GRAP2: variants seen among roughly 807,000 people sequenced by gnomAD.
GRAP2 encodes GRB2 related adaptor protein 2.
GRAP2 carries 31 observed loss-of-function variants against 43.5 expected under a neutral mutation model. The observed-to-expected ratio is 0.71, with a 90% CI of 0.54 to 0.96. The LOEUF is 0.96. Among genes scored for constraint, GRAP2 ranks in the 40% least tolerant of loss-of-function variants. The pLI is 0.00. For missense variants in GRAP2, 371 were observed against 424.4 expected (o/e 0.87, Z 1.11); for synonymous variants, 156 against 164.8 (o/e 0.95, Z 0.41).
chr22:39,906,808 G>A (rs1055292189), intron 1 of GRAP2, among the ~76,000 whole-genome samples: 1 of 152,152 alleles, frequency 6.6e-6, no homozygotes, highest in Non-Finnish European at 1.5e-5. Context: ...ACAAACTGCT[G>A]AGAACTCAGT....
chr22:39,935,791 C>A (rs1182195874), intron 1 of GRAP2, among the ~76,000 whole-genome samples: 1 of 152,124 alleles, frequency 6.6e-6, no homozygotes, highest in Admixed American at 6.5e-5. Flanking sequence ...TAATTGTGGT[C>A]ATGCCGTCCT....
intron 1 of GRAP2, among the ~76,000 whole-genome samples, chr22:39,921,096 C>T (rs777399235): frequency 6.6e-6 from 1 of 152,142 alleles, no homozygotes; most frequent in Non-Finnish European, 1.5e-5. Context: ...TTGAACTTCT[C>T]GAGCTTTCTT....
At chr22:39,926,505 AAG>A (rs1242304194) in intron 1 of GRAP2, 2 of 646,766 alleles carry the variant, frequency 3.1e-6, no homozygotes, top group African/African-American at 4.0e-5. Flanking sequence ...AAAAAAGGAA[AAG>A]AGCAAAAAAG....
intron 4 of GRAP2, among the ~76,000 whole-genome samples, chr22:39,962,407 A>G (rs1316659658): frequency 6.6e-6 from 1 of 152,190 alleles, no homozygotes; most frequent in East Asian, 1.9e-4. Flanking sequence ...CCTGGGTGAC[A>G]GAGCAAGACC....
upstream of GRAP2, among the ~76,000 whole-genome samples, chr22:39,900,473 G>A (rs994309055): frequency 1.3e-5 from 2 of 152,200 alleles, no homozygotes; most frequent in African/African-American, 2.4e-5. Context: ...GTTGATATAG[G>A]GGGAAGGGTG....
intron 1 of GRAP2, among the ~76,000 whole-genome samples, chr22:39,941,073 A>G (rs1426702691): frequency 6.6e-6 from 1 of 152,212 alleles, no homozygotes; most frequent in Non-Finnish European, 1.5e-5. Flanking sequence ...TGGGAAGTTA[A>G]TTGATCCTTT....
chr22:39,970,706 A>G (rs972212225), intron 7 of GRAP2, among the ~76,000 whole-genome samples, 199 bp from the exon 8 acceptor site: 4 of 152,168 alleles, frequency 2.6e-5, no homozygotes, highest in Non-Finnish European at 5.9e-5. Flanking sequence ...GGACTTCTTG[A>G]GGCCAAGGGT....
rs376190713 is a variant in GRAP2, at chr22:39,968,066, C to A, written c.484C>A (p.Arg162=). The A allele has an allele frequency of 6.2e-7, 1 of 1,612,626 alleles. No individual in the cohort carries two copies. Among genetic ancestry groups the A allele is most frequent in the African/African-American group, 1.3e-5 (1 of 74,862 alleles). The part of the protein sequence containing the change: ...DQGHRGNSLD[R]RSQGGPHLSG... Reference sequence around the variant, plus strand: ...GGGTCACCGGGGCAACAGCCTGGACCGGAGGTCCCAGGGAGGCCCACACCT... The same window carrying A: ...GGGTCACCGGGGCAACAGCCTGGACAGGAGGTCCCAGGGAGGCCCACACCT... The change falls in exon 6 of 8, where the codon CGG becomes AGG. Residue 162 remains arginine (R), a synonymous_variant. Transcript: ENST00000344138.
In GRAP2 at chr22:39,916,323, C is replaced by A. The variant is rs532643989; in HGVS notation, c.-15+14993C>A. On this transcript the variant is annotated intron_variant, in intron 1 of 7. Transcript: ENST00000344138. ...GCAGAGGATCAAGGAGAGAATTCCA[C>A]GGACCCAAAACATCCTGCAAAAAGG... 1.9e-3 allele frequency among the ~76,000 whole-genome samples: 284 copies of A among 152,272 alleles called. 2 individuals are homozygous for A. Among genetic ancestry groups the A allele is most frequent in the Middle Eastern group, 0.014 (4 of 294 alleles).
intron 1 of GRAP2, among the ~76,000 whole-genome samples, chr22:39,922,396 G>A (rs1569196544): frequency 6.6e-6 from 1 of 152,174 alleles, no homozygotes; most frequent in African/African-American, 2.4e-5. Flanking sequence ...GAAACACTCA[G>A]GGATGATTTG....
the GRAP2 span, among the ~76,000 whole-genome samples, chr22:39,895,384 T>G: frequency 6.6e-5 from 10 of 151,994 alleles, no homozygotes; most frequent in African/African-American, 2.2e-4. Flanking sequence ...ATGAAAGAAG[T>G]TGGTGAGTTT....
At chr22:39,930,852 T>C (rs902001874) in intron 1 of GRAP2, among the ~76,000 whole-genome samples, 4 of 152,182 alleles carry the variant, frequency 2.6e-5, no homozygotes, top group African/African-American at 9.6e-5. Flanking sequence ...CTGTGTGTCA[T>C]ATATGAGCTC....
chr22:39,954,480 T>G (rs111470330), intron 2 of GRAP2, among the ~76,000 whole-genome samples: 1 of 152,110 alleles, frequency 6.6e-6, no homozygotes, highest in Non-Finnish European at 1.5e-5. Flanking sequence ...ACTGCAACCT[T>G]GCCTCCTGGG....
At chr22:39,953,524 G>A (rs926743687) in intron 2 of GRAP2, among the ~76,000 whole-genome samples, 5 of 152,054 alleles carry the variant, frequency 3.3e-5, no homozygotes, top group South Asian at 4.1e-4. Flanking sequence ...GGAGGCCTGC[G>A]CTCATCTTCC....
intron 6 of GRAP2, 186 bp downstream of exon 6, chr22:39,968,458 AACAC>A (rs138010): frequency 0.059 from 25,807 of 441,136 alleles, no homozygotes; most frequent in Middle Eastern, 0.083. Context: ...CTCCCACCTG[AACAC>A]ACACACACAC....
intron 3 of GRAP2, 41 bp from the exon 4 acceptor site, chr22:39,960,014 G>C (rs2145664039): frequency 6.2e-7 from 1 of 1,607,494 alleles, no homozygotes; most frequent in Non-Finnish European, 8.5e-7. Context: ...TGTCACTCCT[G>C]TGTCTCATCC....
chr22:39,938,158 C>T (rs983820961), intron 1 of GRAP2, among the ~76,000 whole-genome samples: 2 of 152,240 alleles, frequency 1.3e-5, no homozygotes, highest in East Asian at 3.9e-4. Flanking sequence ...CTTCTTCCTT[C>T]TCTACTTCCC....
chr22:39,969,871 G>A (rs576176989), intron 7 of GRAP2, among the ~76,000 whole-genome samples: 4 of 152,204 alleles, frequency 2.6e-5, no homozygotes, highest in Admixed American at 6.5e-5. Context: ...CCGAGATTGC[G>A]CCATTTTACT....
Position 39,947,128 on chromosome 22 carries a change from G to T in GRAP2, c.22G>T (p.Asp8Tyr). The T allele has an allele frequency of 6.2e-7, 1 of 1,606,544 alleles. No individual in the cohort carries two copies. MEAVAKFDFTASGEDELS... is the reference protein window; with the variant it reads MEAVAKFYFTASGEDELS... ...CAGCATGGAAGCTGTTGCCAAGTTT[G>T]ATTTCACTGCTTCAGGTGAGGATGA... The change falls in exon 2 of 8, where the codon GAT (aspartate) becomes TAT (tyrosine). Residue 8 changes from aspartate to tyrosine, a missense_variant. By Grantham distance (160) the Asp-to-Tyr change is radical. Transcript: ENST00000344138.
Sources: allele counts gnomAD v4.1 joint callset (sites outside exome capture counted in the v4.1 genomes callset), GRCh38; gene constraint gnomAD v4.1.1; transcripts MANE v1.5; gene names NCBI Gene and HGNC (gene_info 2026-07-23, HGNC 2026-07-21).